The following USP15 variants were observed in gnomAD, a reference collection of about 807,000 sequenced individuals.
USP15 encodes ubiquitin specific peptidase 15.
A neutral mutation model predicts 127.1 loss-of-function variants in USP15; 18 were observed. The ratio of observed to expected loss-of-function variants is 0.14; its 90% CI spans 0.10 to 0.21. The LOEUF is 0.21. Among genes scored for constraint, USP15 ranks in the 10% least tolerant of loss-of-function variants. The pLI, the probability that USP15 is intolerant of heterozygous loss-of-function variation, is 1.00. For missense variants in USP15, 805 were observed against 1,159.9 expected (o/e 0.69, Z 4.44); for synonymous variants, 364 against 393.7 (o/e 0.92, Z 0.89).
At chr12:62,400,578 A>T (rs2067653160) in intron 20 of USP15, among the ~76,000 whole-genome samples, 1 of 150,948 alleles carries the variant, frequency 6.6e-6, no homozygotes, top group African/African-American at 2.5e-5. Context: ...AGGACCGACT[A>T]CACTTTTGTT....
rs2066143310 is a variant in USP15, at chr12:62,356,720, C to G, written c.915+1245C>G. On this transcript the variant is annotated intron_variant, in intron 8 of 21. Coordinates refer to ENST00000280377, the MANE Select transcript of USP15 (RefSeq NM_001252078.2). Reference sequence around the variant, plus strand: ...AATTACTTTATTCAAAATAGTTTTTCAAGAATTCTAGCACTAGTTAGACAT... The same window carrying G: ...AATTACTTTATTCAAAATAGTTTTTGAAGAATTCTAGCACTAGTTAGACAT... Among the ~76,000 whole-genome samples the G allele has an allele frequency of 2.0e-5, 3 of 151,900 alleles. 1 individual carries two copies. The highest frequency in any genetic ancestry group is 2.0e-4 in the Admixed American group (3 of 15,246).
At chr12:62,318,973 C>G (rs1358765266) in intron 4 of USP15, among the ~76,000 whole-genome samples, 1 of 151,998 alleles carries the variant, frequency 6.6e-6, no homozygotes, top group Non-Finnish European at 1.5e-5. Flanking sequence ...TTGCAGTAAC[C>G]TAGTTTCCCA....
chr12:62,329,475 A>G (rs1188041837), intron 6 of USP15, among the ~76,000 whole-genome samples: 2 of 152,254 alleles, frequency 1.3e-5, no homozygotes. Context: ...TGATTACATC[A>G]GAATTAAAGA....
chr12:62,319,156 A>G (rs1012329688), intron 4 of USP15, among the ~76,000 whole-genome samples: 2 of 152,174 alleles, frequency 1.3e-5, no homozygotes, highest in African/African-American at 4.8e-5. Flanking sequence ...AGGGGAAGCA[A>G]CCACATCTTA....
At chr12:62,402,602 A>G (rs375447352) in intron 21 of USP15, among the ~76,000 whole-genome samples, 1 of 152,106 alleles carries the variant, frequency 6.6e-6, no homozygotes, top group African/African-American at 2.4e-5. Context: ...ACAAAGCGTG[A>G]CATTTTAAGG....
intron 8 of USP15, among the ~76,000 whole-genome samples, chr12:62,372,845 C>A (rs1204878951): frequency 6.6e-6 from 1 of 152,010 alleles, no homozygotes; most frequent in African/African-American, 2.4e-5. Context: ...ATTTAAGCTT[C>A]CATTCTTTAA....
At chr12:62,288,189 A>G (rs1028353188) in intron 1 of USP15, among the ~76,000 whole-genome samples, 2 of 152,044 alleles carry the variant, frequency 1.3e-5, no homozygotes, top group African/African-American at 4.8e-5. Flanking sequence ...GCGGGGAAGT[A>G]TGAGTTATTT....
rs143326170 is a variant in USP15 at position 62,275,116 on chromosome 12, G to T, written c.89+14613G>T. ...TGGCTTGGGAAATTAAATTACTGAT[G>T]AAGTCACTTGTTAAAGTAATAGTAG... On this transcript the variant is annotated intron_variant, in intron 1 of 21. Coordinates refer to ENST00000280377, the MANE Select transcript of USP15 (RefSeq NM_001252078.2). 7.9e-5 allele frequency among the ~76,000 whole-genome samples: 12 copies of T among 152,098 alleles called. No individual in the cohort carries two copies. In the East Asian group the frequency reaches 2.3e-3, roughly 29 times the overall value.
At chr12:62,350,136 A>G (rs1175855626) in intron 7 of USP15, among the ~76,000 whole-genome samples, 2 of 151,862 alleles carry the variant, frequency 1.3e-5, no homozygotes, top group African/African-American at 4.8e-5. Context: ...ATGTATTACT[A>G]TTATACTAAT....
chr12:62,296,362 T>A (rs1054113711), intron 2 of USP15, among the ~76,000 whole-genome samples: 1 of 152,192 alleles, frequency 6.6e-6, no homozygotes, highest in Admixed American at 6.5e-5. Flanking sequence ...TTTAAGCCAC[T>A]ATGGTAATTC....
In USP15 at chr12:62,363,708, C is replaced by T. The variant is rs1212993938; in HGVS notation, c.915+8233C>T. On this transcript the variant is annotated intron_variant, in intron 8 of 21. Transcript: ENST00000280377. The stretch of plus-strand genomic sequence containing the variant: ...CGTCCCCACCCCGTGCTCTCTCTCT[C>T]CCTCTCTCCCTCTCTCCCATGACTG... 2.6e-5 allele frequency among the ~76,000 whole-genome samples: 4 copies of T among 151,940 alleles called. No homozygotes were observed. In the East Asian group the frequency reaches 7.7e-4, roughly 29 times the overall value.
At chr12:62,389,132 A>G (rs986919773) in intron 11 of USP15, among the ~76,000 whole-genome samples, 2 of 152,162 alleles carry the variant, frequency 1.3e-5, no homozygotes, top group Non-Finnish European at 2.9e-5. Context: ...CTGTCTCTAA[A>G]CAACAAACAA....
intron 6 of USP15, among the ~76,000 whole-genome samples, chr12:62,327,343 AC>A (rs1484904264): frequency 1.3e-5 from 2 of 152,092 alleles, no homozygotes. Context: ...TAAAAGTAGA[AC>A]TTTTAAGAAG....
At chr12:62,351,966 C>G (rs182102699) in intron 7 of USP15, among the ~76,000 whole-genome samples, 1 of 151,484 alleles carries the variant, frequency 6.6e-6, no homozygotes, top group Non-Finnish European at 1.5e-5. Flanking sequence ...TCTTGAATTT[C>G]CATTCAGCTT....
chr12:62,378,922 A>G (rs907392483), intron 8 of USP15, among the ~76,000 whole-genome samples: 9 of 152,186 alleles, frequency 5.9e-5, no homozygotes, highest in African/African-American at 2.2e-4. Flanking sequence ...TTTAGTAAGC[A>G]TACATTTATT....
At chr12:62,286,679 T>C (rs2137117565) in intron 1 of USP15, among the ~76,000 whole-genome samples, 1 of 152,252 alleles carries the variant, frequency 6.6e-6, no homozygotes, top group Middle Eastern at 3.4e-3. Flanking sequence ...GGCTCATGCC[T>C]GTAATCCCAG....
intron 3 of USP15, among the ~76,000 whole-genome samples, chr12:62,307,880 CAT>C (rs1315577736): frequency 6.6e-6 from 1 of 152,080 alleles, no homozygotes; most frequent in Non-Finnish European, 1.5e-5. Flanking sequence ...TTAATCATCT[CAT>C]ATCATTACAA....
At chr12:62,397,387 T>C (rs1335508001) in intron 20 of USP15, among the ~76,000 whole-genome samples, 1 of 152,224 alleles carries the variant, frequency 6.6e-6, no homozygotes, top group Non-Finnish European at 1.5e-5. Context: ...TTTTTATTTA[T>C]GTCATGCATA....
Position 62,411,021 on chromosome 12 carries a change from C to T in USP15, c.*6646C>T, listed in dbSNP as rs2068027535. On this transcript the variant is annotated 3_prime_UTR_variant, in exon 22 of 22. Coordinates refer to ENST00000280377, the MANE Select transcript of USP15 (RefSeq NM_001252078.2). ...TTGCAACACCATGAAAGACCTTGAT[C>T]CAGAGGTTCTCAGCAAGCCACACCT... is the stretch of plus-strand genomic sequence containing the variant. The T allele has an allele frequency of 6.6e-6, 1 of 152,032 alleles. No homozygotes were observed. Among genetic ancestry groups the T allele is most frequent in the Non-Finnish European group, 1.5e-5 (1 of 68,006 alleles). 9.4% of individuals were successfully genotyped at this position (152,032 alleles called of 1,614,324 possible).
Sources: gnomAD v4.1 joint callset for allele counts (sites outside exome capture counted in the v4.1 genomes callset) on GRCh38, gnomAD v4.1.1 for gene constraint, MANE v1.5 for transcripts, NCBI Gene and HGNC (gene_info 2026-07-23, HGNC 2026-07-21) for gene names.